TSC22D3: variants seen among roughly 807,000 people sequenced by gnomAD.
TSC22D3 encodes TSC22 domain family member 3.
A neutral mutation model predicts 11.1 loss-of-function variants in TSC22D3; 4 were observed. That is an observed-to-expected ratio of 0.36 (90% CI 0.18 to 0.83). The LOEUF (loss-of-function observed/expected upper bound fraction) is 0.83. Among genes scored for constraint, TSC22D3 ranks in the 40% least tolerant of loss-of-function variants. The pLI, the probability that TSC22D3 is intolerant of heterozygous loss-of-function variation, is 0.48. For synonymous variants in TSC22D3, 77 were observed against 70.3 expected, an observed-to-expected ratio of 1.10 and a Z score of -0.48; for missense variants, 118 against 159.4, an observed-to-expected ratio of 0.74 and a Z score of 1.40.
Position 107,775,528 on chromosome X carries a change from G to C in TSC22D3, c.-109C>G. ...CCAGGGTGCCTGGAAAAGACAAGCT[G>C]TGAGGAAAAGAGTTGGAAATTAGCG... On this transcript the variant is annotated 5_prime_UTR_variant, in exon 1 of 3. Transcript: ENST00000372383. 1.6e-6 allele frequency: 1 copy of C among 617,090 alleles called. No individual in the cohort carries two copies. The highest frequency in any genetic ancestry group is 3.1e-5 in the South Asian group (1 of 31,897). The allele number at this position is 617,090 out of a possible 1,213,427, so 50.9% of individuals were successfully genotyped here. A position where few individuals can be genotyped will look rare whatever the true frequency, so the allele number is the denominator to read the frequency against.
chrX:107,723,482 G>T (rs935820500), intron 1 of TSC22D3, among the ~76,000 whole-genome samples: 23 of 112,515 alleles, frequency 2.0e-4, no homozygotes, highest in African/African-American at 7.1e-4. Context: ...AGGTGCTAAG[G>T]TTCCTTGCCC....
At chrX:107,747,242 C>T (rs1327496609) in intron 1 of TSC22D3, among the ~76,000 whole-genome samples, 3 of 112,897 alleles carry the variant, frequency 2.7e-5, no homozygotes, top group African/African-American at 9.6e-5. Context: ...TTGCAGCTTG[C>T]TTAGTCCCCC....
chrX:107,774,376 C>T (rs768108331), intron 1 of TSC22D3, among the ~76,000 whole-genome samples: 1 of 110,825 alleles, frequency 9.0e-6, no homozygotes, highest in Non-Finnish European at 1.9e-5. Flanking sequence ...AAAGCTTGAC[C>T]GGTACACCAA....
intron 1 of TSC22D3, among the ~76,000 whole-genome samples, chrX:107,730,340 TC>T (rs776183125): frequency 3.1e-4 from 35 of 112,023 alleles, no homozygotes; most frequent in African/African-American, 1.0e-3. Context: ...CCAGCTGCAC[TC>T]CAGGCAGCAA....
chrX:107,763,731 A>G (rs772276641), intron 1 of TSC22D3, among the ~76,000 whole-genome samples: 1 of 112,316 alleles, frequency 8.9e-6, no homozygotes, highest in South Asian at 3.7e-4. Context: ...ATAATTTACA[A>G]AAACAAATTT....
At chrX:107,722,569 T>C (rs2147727465) in intron 1 of TSC22D3, among the ~76,000 whole-genome samples, 1 of 112,214 alleles carries the variant, frequency 8.9e-6, no homozygotes, top group African/African-American at 3.2e-5. Flanking sequence ...ATTGGCGACT[T>C]ATCCAGGAAT....
chrX:107,775,071 G>A (rs1423420771), intron 1 of TSC22D3, 29 bp downstream of exon 1: 2 of 1,198,024 alleles, frequency 1.7e-6, no homozygotes, highest in East Asian at 3.0e-5. Flanking sequence ...AGCAAGGACC[G>A]AGTTGCCGCC....
intron 1 of TSC22D3, among the ~76,000 whole-genome samples, chrX:107,719,270 C>A (rs1368364047): frequency 1.8e-5 from 2 of 112,033 alleles, no homozygotes; most frequent in Non-Finnish European, 3.8e-5. Context: ...GAAGGGAAGG[C>A]AAAAGGGTTA....
At chrX:107,716,788 G>T in intron 1 of TSC22D3, 2 of 1,210,285 alleles carry the variant, frequency 1.7e-6, no homozygotes, top group Non-Finnish European at 2.2e-6. Flanking sequence ...CCTCCATGGG[G>T]GTCTGATACA....
chrX:107,771,422 G>A (rs1342477768), intron 1 of TSC22D3, among the ~76,000 whole-genome samples: 3 of 110,986 alleles, frequency 2.7e-5, no homozygotes, highest in Non-Finnish European at 3.8e-5. Context: ...CCATCTCTAC[G>A]AAAAATACAA....
At chrX:107,758,860 T>C (rs765594358) in intron 1 of TSC22D3, among the ~76,000 whole-genome samples, 3 of 111,068 alleles carry the variant, frequency 2.7e-5, no homozygotes, top group Non-Finnish European at 5.7e-5. Context: ...ACTAATCCGT[T>C]CCAAGCCCAT....
intron 1 of TSC22D3, among the ~76,000 whole-genome samples, chrX:107,755,877 CA>C (rs1291619844): frequency 2.7e-5 from 3 of 111,957 alleles, no homozygotes; most frequent in Admixed American, 1.9e-4. Flanking sequence ...ACAGACCCAG[CA>C]ATTCTCCAGT....
intron 1 of TSC22D3, among the ~76,000 whole-genome samples, chrX:107,753,863 T>A (rs1763675142): frequency 9.0e-6 from 1 of 110,902 alleles, no homozygotes; most frequent in Non-Finnish European, 1.9e-5. Flanking sequence ...CCCAAATAAT[T>A]AAGAAGGCAG....
intron 1 of TSC22D3, among the ~76,000 whole-genome samples, chrX:107,752,328 A>T (rs1928969174): frequency 8.9e-6 from 1 of 112,173 alleles, no homozygotes; most frequent in Admixed American, 9.4e-5. Flanking sequence ...TCCAGAATTC[A>T]TACTAACCTC....
chrX:107,726,897 A>G (rs1054003779), intron 1 of TSC22D3, among the ~76,000 whole-genome samples: 1 of 112,108 alleles, frequency 8.9e-6, no homozygotes, highest in African/African-American at 3.2e-5. Context: ...CCTGGTCAAC[A>G]GTTCTGACAT....
intron 1 of TSC22D3, among the ~76,000 whole-genome samples, chrX:107,734,771 A>C (rs1928047985): frequency 9.2e-6 from 1 of 108,988 alleles, no homozygotes; most frequent in Admixed American, 9.7e-5. Context: ...TAATGGTAAG[A>C]GTAATAACAA....
intron 1 of TSC22D3, among the ~76,000 whole-genome samples, chrX:107,740,365 C>A (rs919375728): frequency 9.0e-6 from 1 of 111,667 alleles, no homozygotes; most frequent in African/African-American, 3.3e-5. Flanking sequence ...GGGCGGATCA[C>A]GAGGTCAAGA....
intron 1 of TSC22D3, among the ~76,000 whole-genome samples, chrX:107,735,643 G>A (rs940027267): frequency 5.4e-5 from 6 of 110,400 alleles, no homozygotes; most frequent in Non-Finnish European, 9.5e-5. Context: ...CTGAACATGC[G>A]TTAATGTCCT....
At chrX:107,719,271 A>T (rs755712704) in intron 1 of TSC22D3, among the ~76,000 whole-genome samples, 1 of 112,337 alleles carries the variant, frequency 8.9e-6, no homozygotes, top group East Asian at 2.8e-4. Context: ...AAGGGAAGGC[A>T]AAAGGGTTAA....
Sources: gnomAD v4.1 joint callset for allele counts (sites outside exome capture counted in the v4.1 genomes callset) on GRCh38, gnomAD v4.1.1 for gene constraint, MANE v1.5 for transcripts, NCBI Gene and HGNC (gene_info 2026-07-23, HGNC 2026-07-21) for gene names.